Variants in MIGA2 observed in about 807,000 individuals in gnomAD.
The protein encoded by MIGA2 is family with sequence similarity 73, member B.
In MIGA2, 36 loss-of-function variants were observed where a neutral mutation model predicts 69.9. The ratio of observed to expected loss-of-function variants is 0.52; its 90% CI spans 0.39 to 0.68. The LOEUF (loss-of-function observed/expected upper bound fraction) is 0.68, where lower values mean the gene tolerates loss of function less well. Among genes scored for constraint, MIGA2 ranks in the 30% least tolerant of loss-of-function variants. MIGA2 has a pLI of 0.00. For missense variants in MIGA2, 660 were observed against 787.7 expected (o/e 0.84, Z 1.94); for synonymous variants, 333 against 349.2 (o/e 0.95, Z 0.52).
chr9:129,069,026 G>A lies in MIGA2; in HGVS notation c.1405-50G>A. 3 of 1,609,244 alleles carry A rather than the reference G, an allele frequency of 1.9e-6. No homozygotes were observed. The highest frequency in any genetic ancestry group is 2.6e-6 in the Non-Finnish European group (3 of 1,175,730). On this transcript the variant is annotated intron_variant, in intron 13 of 15. Coordinates refer to ENST00000684074, the MANE Select transcript of MIGA2 (RefSeq NM_001329990.2). The surrounding 1 kb of genome is among the most constrained non-coding windows in gnomAD (Gnocchi z 4.9). Reference sequence around the variant, plus strand: ...CTGGGCTGGCAGAGGGCGAGGGGCTGTGGGCTAGGCCCATTTTGACACCCG... The same window carrying A: ...CTGGGCTGGCAGAGGGCGAGGGGCTATGGGCTAGGCCCATTTTGACACCCG...
At chr9:129,041,365 G>A (rs1844896554) in intron 2 of MIGA2, among the ~76,000 whole-genome samples, 1 of 151,400 alleles carries the variant, frequency 6.6e-6, no homozygotes, top group African/African-American at 2.4e-5. Context: ...ATGGTGGCAG[G>A]TGCCTGTAAT....
At chr9:129,063,911 C>T (rs1358887517) in intron 11 of MIGA2, among the ~76,000 whole-genome samples, 9 of 152,184 alleles carry the variant, frequency 5.9e-5, no homozygotes, top group Non-Finnish European at 1.2e-4. Flanking sequence ...GGTCCCATTG[C>T]GTGGAGAGCG....
At position 129,063,226 on chromosome 9, in the gene MIGA2, C is replaced by G. The variant is rs528395435; in HGVS notation, c.1011-18C>G. The G allele has an allele frequency of 6.2e-7, 1 of 1,613,620 alleles. No homozygotes were observed. The highest frequency in any genetic ancestry group is 8.5e-7 in the Non-Finnish European group (1 of 1,179,868). The stretch of plus-strand genomic sequence containing the variant: ...GGGCAGGGACCAGGTTGTGTGACGC[C>G]GTCTGTCCTCCCCTCAGGACGGAGC... On this transcript the variant is annotated intron_variant, in intron 9 of 15. Coordinates refer to ENST00000684074, the MANE Select transcript of MIGA2 (RefSeq NM_001329990.2).
intron 3 of MIGA2, 82 bp downstream of exon 3, chr9:129,042,596 G>A: frequency 2.1e-6 from 3 of 1,406,006 alleles, no homozygotes; most frequent in South Asian, 2.5e-5. Context: ...CTCTACTTGG[G>A]GATATTGGGC....
Position 129,049,784 on chromosome 9 carries a change from T to C in MIGA2, c.539-43T>C, listed in dbSNP as rs767413492. The C allele has an allele frequency of 1.8e-5, 29 of 1,611,966 alleles. No individual in the cohort carries two copies. In the African/African-American group the frequency reaches 3.1e-4, roughly 17 times the overall value. On this transcript the variant is annotated intron_variant, in intron 5 of 15. Coordinates refer to ENST00000684074, the MANE Select transcript of MIGA2 (RefSeq NM_001329990.2). Reference sequence around the variant, plus strand: ...TTCTGAGCCCCCTCTTGGGTGAGACTGTGGAGGTGCTGACCCACGCTTTTC... The same window carrying C: ...TTCTGAGCCCCCTCTTGGGTGAGACCGTGGAGGTGCTGACCCACGCTTTTC...
Position 129,041,929 on chromosome 9 carries a change from T to C in MIGA2, c.97-375T>C, listed in dbSNP as rs927081008. ...CTGTCACCTTGAGTATATGTCTTCA[T>C]GTGGGTGAACCTCAGGTTCCTCGTC... On this transcript the variant is annotated intron_variant, in intron 2 of 15. Coordinates refer to ENST00000684074, the MANE Select transcript of MIGA2 (RefSeq NM_001329990.2). Among the ~76,000 whole-genome samples the C allele has an allele frequency of 7.2e-5, 11 of 152,210 alleles. No homozygotes were observed. The South Asian group carries it at 1.7e-3, about 23-fold the overall frequency.
At position 129,043,160 on chromosome 9, in the gene MIGA2, C is replaced by T. The variant is rs565123569; in HGVS notation, c.307+646C>T. On this transcript the variant is annotated intron_variant, in intron 3 of 15. Transcript: ENST00000684074. ...AGTGAGCCGAGATTGCGCCACTGCA[C>T]TCCAGCCTGGGTGACAGAGCGAGAC... Among the ~76,000 whole-genome samples the T allele has an allele frequency of 1.6e-4, 25 of 151,556 alleles. 1 individual carries two copies. The South Asian group carries it at 5.0e-3, about 30-fold the overall frequency.
Position 129,059,404 on chromosome 9 carries a change from C to T in MIGA2, c.793+133C>T, listed in dbSNP as rs564170218. The stretch of plus-strand genomic sequence containing the variant: ...CAGAATCCCCAGGGCTCTCCGACCT[C>T]GCGTGATCCAGCACCTTATGGCACA... On this transcript the variant is annotated intron_variant, in intron 7 of 15. Transcript: ENST00000684074. The surrounding 1 kb of genome is among the most constrained non-coding windows in gnomAD (Gnocchi z 5.6). The T allele has an allele frequency of 1.6e-5, 11 of 677,508 alleles. No homozygotes were observed. Among genetic ancestry groups the T allele is most frequent in the Admixed American group, 7.4e-5 (3 of 40,658 alleles). 42.0% of individuals were successfully genotyped at this position (677,508 alleles called of 1,614,324 possible).
At chr9:129,040,205 G>A (rs1844822078) in intron 1 of MIGA2, among the ~76,000 whole-genome samples, 1 of 152,222 alleles carries the variant, frequency 6.6e-6, no homozygotes, top group South Asian at 2.1e-4. Context: ...CCCAGGTTCT[G>A]GGTCCTCTCC....
In MIGA2 at chr9:129,068,696, C is replaced by A; in HGVS notation, c.1404+364C>A. 1 of 404,146 alleles carries A rather than the reference C, an allele frequency of 2.5e-6. No individual in the cohort carries two copies. Among genetic ancestry groups the A allele is most frequent in the Non-Finnish European group, 4.5e-6 (1 of 220,204 alleles). 25.0% of individuals were successfully genotyped at this position (404,146 alleles called of 1,614,324 possible). On this transcript the variant is annotated intron_variant, in intron 13 of 15. Coordinates refer to ENST00000684074, the MANE Select transcript of MIGA2 (RefSeq NM_001329990.2). The surrounding 1 kb of genome is among the most constrained non-coding windows in gnomAD (Gnocchi z 4.1). ...AGTGAGAGACAACCCAGCACAGGAC[C>A]CCCAGGAAGGCAAGCAGTAACGCTC...
rs991970649 is a variant in MIGA2, at chr9:129,061,175, C to T, written c.895-56C>T. On this transcript the variant is annotated intron_variant, in intron 8 of 15. Transcript: ENST00000684074. This position sits in a 1 kb window ranked among gnomAD's most constrained non-coding sequence, Gnocchi z 5.0. ...GACCAATGGGCAGGTGCCCTTGCGC[C>T]GTGGCGTGCTGCTCACATGGGCTTC... 117 of 1,477,016 alleles carry T rather than the reference C, an allele frequency of 7.9e-5. No individual in the cohort carries two copies. The highest frequency in any genetic ancestry group is 7.2e-4 in the East Asian group (30 of 41,886). The allele number at this position is 1,477,016 out of a possible 1,614,324, so 91.5% of individuals were successfully genotyped here. A position where few individuals can be genotyped will look rare whatever the true frequency, so the allele number is the denominator to read the frequency against.
intron 11 of MIGA2, among the ~76,000 whole-genome samples, chr9:129,064,507 T>G (rs937132200): frequency 2.4e-5 from 3 of 125,538 alleles, no homozygotes; most frequent in Admixed American, 8.1e-5. Flanking sequence ...GTGCCTGGCC[T>G]TTTTTTTTTT....
At chr9:129,065,496 T>C (rs1846294512) in intron 11 of MIGA2, among the ~76,000 whole-genome samples, 1 of 151,094 alleles carries the variant, frequency 6.6e-6, no homozygotes, top group South Asian at 2.1e-4. Flanking sequence ...ATTACAGGTG[T>C]GCGCCACCAC....
In MIGA2 at chr9:129,042,353, T is replaced by G. The variant is rs1844956764; in HGVS notation, c.146T>G (p.Phe49Cys). 6.2e-7 allele frequency: 1 copy of G among 1,613,214 alleles called. No homozygotes were observed. Among genetic ancestry groups the G allele is most frequent in the South Asian group, 1.1e-5 (1 of 91,052 alleles). The change falls in exon 3 of 16, where the codon TTT becomes TGT. Residue 49 changes from phenylalanine (F) to cysteine (C), a missense_variant. By Grantham distance (205) the Phe-to-Cys change is radical. Around this residue, in one of 3 missense-constraint regions of MIGA2, gnomAD observed 54 missense variants for 84.0 expected, o/e 0.64. Coordinates refer to ENST00000684074, the MANE Select transcript of MIGA2 (RefSeq NM_001329990.2). ...RLTPGLRKVL[F>C]ATALGTVALA... The stretch of plus-strand genomic sequence containing the variant: ...ACGCCAGGCCTGCGGAAAGTCCTCT[T>G]TGCCACGGCCCTGGGGACTGTGGCC...
At chr9:129,037,093 T>C in intron 1 of MIGA2, 1 of 990,618 alleles carries the variant, frequency 1.0e-6, no homozygotes, top group African/African-American at 1.8e-5. Context: ...GAGTGAGCAA[T>C]TTCTGAAGAC....
In MIGA2 at chr9:129,042,322, C is replaced by G. The variant is rs769615945; in HGVS notation, c.115C>G (p.Arg39Gly). 1 of 1,612,298 alleles carries G rather than the reference C, an allele frequency of 6.2e-7. No homozygotes were observed. The highest frequency in any genetic ancestry group is 8.5e-7 in the Non-Finnish European group (1 of 1,179,954). The change falls in exon 3 of 16, where the codon CGG becomes GGG. Residue 39 changes from arginine (R) to glycine (G), a missense_variant. By Grantham distance (125) the Arg-to-Gly change is moderately radical. This residue lies in a region of MIGA2 where 54 missense variants were observed against 84.0 expected (regional missense o/e 0.64). Transcript: ENST00000684074. ...TFGQSAFSQL[R>G]LTPGLRKVLF... ...CCTGCAGTCTGCATTCTCCCAGCTA[C>G]GGTTGACGCCAGGCCTGCGGAAAGT...
At chr9:129,062,904 G>T (rs1486007348) in intron 9 of MIGA2, among the ~76,000 whole-genome samples, 1 of 152,198 alleles carries the variant, frequency 6.6e-6, no homozygotes, top group Non-Finnish European at 1.5e-5. Context: ...TGATCAGGGT[G>T]ATCTGCCACA....
intron 1 of MIGA2, among the ~76,000 whole-genome samples, chr9:129,038,774 T>C (rs1047877270): frequency 2.0e-5 from 3 of 148,998 alleles, no homozygotes; most frequent in Non-Finnish European, 3.0e-5. Context: ...CACATAATCC[T>C]TTTTTTTTGT....
rs1360252962 is a variant in MIGA2, at chr9:129,059,806, A to T, written c.793+535A>T. The stretch of plus-strand genomic sequence containing the variant: ...ATGACACCCTGGCCCCTCCCTGTGC[A>T]CTCAACCCTGTGGGACCCTCAGACT... On this transcript the variant is annotated intron_variant, in intron 7 of 15. Transcript: ENST00000684074. The surrounding 1 kb of genome is among the most constrained non-coding windows in gnomAD (Gnocchi z 5.6). Among the ~76,000 whole-genome samples the T allele has an allele frequency of 6.6e-6, 1 of 151,922 alleles. No individual in the cohort carries two copies. Among genetic ancestry groups the T allele is most frequent in the Non-Finnish European group, 1.5e-5 (1 of 67,972 alleles).
Sources: gnomAD v4.1 joint callset for allele counts (sites outside exome capture counted in the v4.1 genomes callset) on GRCh38, gnomAD v4.1.1 for gene constraint, gnomAD v4.1.1 regional missense constraint, Gnocchi (gnomAD v3.1) non-coding constraint, MANE v1.5 for transcripts, NCBI Gene and HGNC (gene_info 2026-07-23, HGNC 2026-07-21) for gene names.